Variants in STK33 observed in about 807,000 individuals in gnomAD.
STK33 encodes the protein serine/threonine-protein kinase 33.
A neutral mutation model predicts 58.0 loss-of-function variants in STK33; 52 were observed. The observed-to-expected ratio is 0.90, with a 90% CI of 0.72 to 1.13. The LOEUF (loss-of-function observed/expected upper bound fraction) is 1.13, where lower values mean the gene tolerates loss of function less well. Among genes scored for constraint, STK33 ranks in the 50% most tolerant of loss-of-function variants. The pLI is 0.00. For synonymous variants in STK33, 215 were observed against 200.1 expected, an observed-to-expected ratio of 1.07 and a Z score of -0.63; for missense variants, 630 against 604.2, an observed-to-expected ratio of 1.04 and a Z score of -0.45.
At chr11:8,517,956 G>A (rs146429733) in intron 1 of STK33, among the ~76,000 whole-genome samples, 2,184 of 152,084 alleles carry the variant, frequency 0.014, 48 homozygotes, top group African/African-American at 0.049. Flanking sequence ...ACCTAGCAAG[G>A]CAGGCCAACA....
the STK33 span, among the ~76,000 whole-genome samples, chr11:8,374,817 G>A: frequency 3.2e-4 from 48 of 152,216 alleles, no homozygotes; most frequent in African/African-American, 1.1e-3. Flanking sequence ...TTTTCTCCCT[G>A]TTCACCCAGA....
At chr11:8,561,485 AACTTTACTGTT>A (rs992669694) in intron 1 of STK33, among the ~76,000 whole-genome samples, 1 of 152,122 alleles carries the variant, frequency 6.6e-6, no homozygotes, top group African/African-American at 2.4e-5. Context: ...AAGCACAAGT[AACTTTACTGTT>A]ACATACTTAT....
chr11:8,382,329 G>A, the STK33 span, among the ~76,000 whole-genome samples: 1 of 152,226 alleles, frequency 6.6e-6, no homozygotes, highest in African/African-American at 2.4e-5. Context: ...ATGGTAGCTG[G>A]GGAGCAGAAG....
intron 1 of STK33, among the ~76,000 whole-genome samples, chr11:8,553,200 TGTA>T (rs1286251277): frequency 1.5e-5 from 1 of 66,734 alleles, no homozygotes; most frequent in Non-Finnish European, 2.6e-5. Flanking sequence ...ATATATATGG[TGTA>T]TATATATATA....
the STK33 span, among the ~76,000 whole-genome samples, chr11:8,361,145 TC>T: frequency 5.3e-5 from 8 of 152,130 alleles, no homozygotes; most frequent in Non-Finnish European, 8.8e-5. The surrounding 1 kb of genome is among the most constrained non-coding windows in gnomAD (Gnocchi z 4.8). Flanking sequence ...CTAACAGTGT[TC>T]CTGGAAAGCC....
At chr11:8,510,862 A>C (rs1395851866) in intron 1 of STK33, among the ~76,000 whole-genome samples, 5 of 152,120 alleles carry the variant, frequency 3.3e-5, no homozygotes, top group South Asian at 2.1e-4. Flanking sequence ...ATCGGTCTAC[A>C]TGCCCATTTT....
At chr11:8,401,274 T>C (rs1937879503) in intron 15 of STK33, among the ~76,000 whole-genome samples, 1 of 152,104 alleles carries the variant, frequency 6.6e-6, no homozygotes, top group Non-Finnish European at 1.5e-5. Context: ...AACAGAGATA[T>C]AGACCAATGG....
chr11:8,475,169 G>C, intron 4 of STK33, 103 bp from the exon 5 acceptor site: 1 of 331,756 alleles, frequency 3.0e-6, no homozygotes, highest in Non-Finnish European at 5.4e-6. Flanking sequence ...ATCCTGTATA[G>C]ACATGAAAAG....
At chr11:8,515,501 G>A (rs530624911) in intron 1 of STK33, among the ~76,000 whole-genome samples, 21 of 152,138 alleles carry the variant, frequency 1.4e-4, no homozygotes, top group South Asian at 2.1e-4. Context: ...GCATTAGCCC[G>A]ATACCAAAGC....
downstream of STK33, among the ~76,000 whole-genome samples, chr11:8,388,174 G>T (rs933964759): frequency 6.5e-5 from 9 of 139,526 alleles, no homozygotes; most frequent in African/African-American, 8.7e-5. Context: ...CAACAGGGAA[G>T]GGGAGGTCCT....
chr11:8,435,095 T>G (rs1943902301), intron 14 of STK33, among the ~76,000 whole-genome samples: 1 of 152,214 alleles, frequency 6.6e-6, no homozygotes, highest in Non-Finnish European at 1.5e-5. Flanking sequence ...TTGGAGATCA[T>G]GGCTTTTCTG....
At chr11:8,460,352 G>A (rs773320012) in intron 8 of STK33, among the ~76,000 whole-genome samples, 9 of 151,888 alleles carry the variant, frequency 5.9e-5, no homozygotes, top group African/African-American at 2.2e-4. Context: ...AAGACCGAGC[G>A]TGTTAAGTAG....
intron 11 of STK33, among the ~76,000 whole-genome samples, chr11:8,444,495 A>C (rs1945162415): frequency 6.6e-6 from 1 of 152,156 alleles, no homozygotes; most frequent in South Asian, 2.1e-4. Context: ...AATGTCTGAC[A>C]CTAAGTAGGT....
At position 8,420,982 on chromosome 11, in the gene STK33, G is replaced by GA. The variant is rs962412279; in HGVS notation, c.1147-7291dup. On this transcript the variant is annotated intron_variant, in intron 14 of 15. Transcript: ENST00000687296. ...TGGGTAACAGAGCAAGGCCCTGTCT[G>GA]AAAAAAAAAAAGGGGAGGGGGGGAA... 5.8e-4 allele frequency among the ~76,000 whole-genome samples: 76 copies of GA among 131,900 alleles called. 1 individual carries two copies. The highest frequency in any genetic ancestry group is 6.8e-4 in the Admixed American group (9 of 13,230). 86.5% of individuals were successfully genotyped at this position (131,900 alleles called of 152,430 possible).
At chr11:8,487,806 TG>T (rs1305436242) in intron 1 of STK33, among the ~76,000 whole-genome samples, 2 of 151,976 alleles carry the variant, frequency 1.3e-5, no homozygotes, top group African/African-American at 2.4e-5. Context: ...ACAAAAGCAA[TG>T]AAAAAATGGC....
rs767831169 is a variant in STK33 at position 8,474,804 on chromosome 11, A to T, written c.102T>A (p.Val34=). The T allele has an allele frequency of 1.4e-5, 23 of 1,613,356 alleles. No individual in the cohort carries two copies. Among genetic ancestry groups the T allele is most frequent in the Non-Finnish European group, 1.9e-5 (22 of 1,179,774 alleles). The change falls in exon 5 of 16, where the codon GTT becomes GTA. Residue 34 remains valine (V), a synonymous_variant. Coordinates refer to ENST00000687296, the MANE Select transcript of STK33 (RefSeq NM_001352389.2). The part of the protein sequence containing the change: ...VLCVCSSKTR[V]PPVLVVEMSQ... ...ACATTTCCACCACCAAAACTGGAGG[A>T]ACCCTTGTTTTGCTGGAACATACAC...
chr11:8,475,889 G>A (rs1258309284), intron 4 of STK33: 1 of 152,170 alleles, frequency 6.6e-6, no homozygotes, highest in African/African-American at 2.4e-5. Context: ...GTCATAGATT[G>A]ATAAACCTGG....
At chr11:8,465,640 G>C (rs971732426) in intron 6 of STK33, 5 of 152,212 alleles carry the variant, frequency 3.3e-5, no homozygotes, top group Non-Finnish European at 7.3e-5. Flanking sequence ...ATCGTGCATA[G>C]GAACCAGAAC....
rs1324606690 is a variant in STK33 at position 8,548,807 on chromosome 11, TA to T, written c.-466+45275del. Among the ~76,000 whole-genome samples the T allele has an allele frequency of 6.6e-5, 10 of 152,316 alleles. No homozygotes were observed. The East Asian group carries it at 1.7e-3, about 26-fold the overall frequency. On this transcript the variant is annotated intron_variant, in intron 1 of 15. Transcript: ENST00000687296. ...TCTTCATATTTTATCATTTGCATTA[TA>T]AAAAATGGTTAAATTTTTTCCTAGG...
Sources: allele counts gnomAD v4.1 joint callset (sites outside exome capture counted in the v4.1 genomes callset), GRCh38; gene constraint gnomAD v4.1.1; non-coding constraint Gnocchi (gnomAD v3.1); transcripts MANE v1.5; gene names NCBI Gene and HGNC (gene_info 2026-07-23, HGNC 2026-07-21).